The following GP2 variants were observed in gnomAD, a reference collection of about 807,000 sequenced individuals.
GP2 encodes pancreatic secretory granule membrane major glycoprotein GP2.
Under a neutral mutation model 60.8 loss-of-function variants are expected in GP2, and 58 were observed. The ratio of observed to expected loss-of-function variants is 0.95; its 90% CI spans 0.77 to 1.19. The LOEUF is 1.19. Ranked by LOEUF, GP2 falls within the 50% of genes most tolerant of loss-of-function variation. GP2 has a pLI of 0.00. For missense variants in GP2, 647 were observed against 667.4 expected, an observed-to-expected ratio of 0.97 and a Z score of 0.34; for synonymous variants, 280 against 253.4, an observed-to-expected ratio of 1.10 and a Z score of -1.00.
At chr16:20,326,883 T>C (rs4643331) in intron 1 of GP2, 162,994 of 168,328 alleles carry the variant, frequency 0.97, 79,150 homozygotes, top group African/African-American at 0.99. Flanking sequence ...AAACCGAGCC[T>C]CATGTTCCTT....
At chr16:20,321,152 G>A (rs1409215906) in intron 4 of GP2, among the ~76,000 whole-genome samples, 1 of 150,842 alleles carries the variant, frequency 6.6e-6, no homozygotes, top group Non-Finnish European at 1.5e-5. Flanking sequence ...CTGGATTCAA[G>A]TGATTCTCCT....
chr16:20,317,348 G>A lies in GP2; in HGVS notation c.1281C>T (p.Ile427=), dbSNP rs1013067742. The change falls in exon 8 of 11, where the codon ATC becomes ATT. Residue 427 remains isoleucine, a synonymous_variant. Coordinates refer to ENST00000302555, the MANE Select transcript of GP2 (RefSeq NM_001502.4). ...NSCSNQRDST[I]HVEENGQSSE... ...AGGACTGCCCATTCTCCTCCACGTG[G>A]ATGGTGGAATCACGTTGATTTGAGC... is the stretch of plus-strand genomic sequence containing the variant. The A allele has an allele frequency of 6.2e-7, 1 of 1,613,714 alleles. No individual in the cohort carries two copies. Among genetic ancestry groups the A allele is most frequent in the African/African-American group, 1.3e-5 (1 of 75,022 alleles).
At chr16:20,324,999 C>T (rs886419843) in intron 2 of GP2, among the ~76,000 whole-genome samples, 1 of 152,262 alleles carries the variant, frequency 6.6e-6, no homozygotes, top group Admixed American at 6.5e-5. Context: ...CAAATGTCTT[C>T]TTGGGGGGCA....
At chr16:20,320,886 G>C (rs1055965832) in intron 4 of GP2, among the ~76,000 whole-genome samples, 1 of 152,026 alleles carries the variant, frequency 6.6e-6, no homozygotes, top group Non-Finnish European at 1.5e-5. Context: ...CCAGGCACTG[G>C]GGCTACAACA....
At chr16:20,317,516 A>T (rs1349889718) in intron 7 of GP2, 141 bp from the exon 8 acceptor site, 3 of 654,084 alleles carry the variant, frequency 4.6e-6, no homozygotes, top group African/African-American at 1.8e-5. Flanking sequence ...CCATAAGCGC[A>T]CATGGCTTAA....
Position 20,311,133 on chromosome 16 carries a change from T to A in GP2, c.*90A>T. 2.5e-6 allele frequency: 2 copies of A among 814,860 alleles called. No individual in the cohort carries two copies. The highest frequency in any genetic ancestry group is 4.4e-6 in the Non-Finnish European group (2 of 456,838). 50.5% of individuals were successfully genotyped at this position (814,860 alleles called of 1,614,324 possible). A position where few individuals can be genotyped will look rare whatever the true frequency, so the allele number is the denominator to read the frequency against. On this transcript the variant is annotated 3_prime_UTR_variant, in exon 11 of 11. Coordinates refer to ENST00000302555, the MANE Select transcript of GP2 (RefSeq NM_001502.4). ...CTTGATTCTATTAATACCAAGCCTG[T>A]GTGAATTGGAGTGGAAAGCAGAAGT...
chr16:20,312,993 C>T (rs990176289), intron 10 of GP2, among the ~76,000 whole-genome samples: 2 of 152,080 alleles, frequency 1.3e-5, no homozygotes, highest in Non-Finnish European at 2.9e-5. Context: ...TCTCAATGAG[C>T]GTGACTTTTC....
At chr16:20,322,467 T>C (rs574587494) in intron 4 of GP2, among the ~76,000 whole-genome samples, 150 of 152,274 alleles carry the variant, frequency 9.9e-4, no homozygotes, top group Admixed American at 6.4e-3. Flanking sequence ...TTATCCTCAT[T>C]TTACAGATGA....
At chr16:20,323,012 G>C in intron 3 of GP2, 33 bp from the exon 4 acceptor site, 1 of 1,262,694 alleles carries the variant, frequency 7.9e-7, no homozygotes, top group South Asian at 1.2e-5. Context: ...AGAAGATCAG[G>C]ATGCAGTGCG....
chr16:20,326,690 C>G (rs192897358), intron 1 of GP2: 1 of 430,950 alleles, frequency 2.3e-6, no homozygotes, highest in African/African-American at 2.0e-5. Context: ...TCAGGATGGT[C>G]CCTGCTCAGG....
chr16:20,311,338 A>C (rs1206437245), intron 10 of GP2, 57 bp from the exon 11 acceptor site: 1 of 1,049,848 alleles, frequency 9.5e-7, no homozygotes, highest in Admixed American at 1.7e-5. Flanking sequence ...AGGAGCAAAC[A>C]TAAGTTGGCC....
At chr16:20,311,874 A>G (rs1265730809) in intron 10 of GP2, among the ~76,000 whole-genome samples, 1 of 152,244 alleles carries the variant, frequency 6.6e-6, no homozygotes, top group Non-Finnish European at 1.5e-5. Flanking sequence ...AGAAAGACAC[A>G]GAGGTTAAAA....
At chr16:20,316,179 G>T (rs1038023245) in intron 8 of GP2, 139 bp from the exon 9 acceptor site, 5 of 564,254 alleles carry the variant, frequency 8.9e-6, no homozygotes, top group African/African-American at 5.7e-5. Context: ...CGATGCTGTG[G>T]TTATCTCAAT....
At chr16:20,320,916 T>A (rs1462256738) in intron 4 of GP2, among the ~76,000 whole-genome samples, 1 of 152,154 alleles carries the variant, frequency 6.6e-6, no homozygotes, top group Non-Finnish European at 1.5e-5. Context: ...ACTGAAAAAA[T>A]TCCCACTCTT....
intron 8 of GP2, among the ~76,000 whole-genome samples, chr16:20,316,790 C>CA (rs1434974471): frequency 1.3e-5 from 2 of 151,588 alleles, no homozygotes; most frequent in Non-Finnish European, 2.9e-5. Flanking sequence ...CCCATCCATA[C>CA]ACCTACCTAT....
intron 1 of GP2, 161 bp from the exon 2 acceptor site, chr16:20,326,628 A>C: frequency 1.6e-6 from 1 of 611,522 alleles, no homozygotes; most frequent in Non-Finnish European, 2.8e-6. Context: ...CAGTAAGCAA[A>C]CCAAAGGCAA....
Position 20,317,231 on chromosome 16 carries a change from AAG to A in GP2, c.1396_1397del (p.Leu466Ter), listed in dbSNP as rs1266000633. The A allele has an allele frequency of 1.2e-6, 2 of 1,612,928 alleles. No individual in the cohort carries two copies. Among genetic ancestry groups the A allele is most frequent in the African/African-American group, 1.3e-5 (1 of 74,818 alleles). On this transcript the variant is annotated frameshift_variant, in exon 8 of 11. Transcript: ENST00000302555. LOFTEE classifies it high-confidence loss of function. ...LHCEIHLCDS[L>X]NEQCQPSCSR... ...CACTCACAGGCTGGCACTGTTCATT[AAG>A]AGAATCACAGAGATGAATCTCACAA...
chr16:20,316,326 A>G (rs972490667), intron 8 of GP2, among the ~76,000 whole-genome samples: 10 of 152,344 alleles, frequency 6.6e-5, no homozygotes, highest in African/African-American at 1.9e-4. Context: ...CTGGTTGTGA[A>G]GATGAAAATG....
chr16:20,321,172 T>A (rs1664492374), intron 4 of GP2, among the ~76,000 whole-genome samples: 1 of 151,132 alleles, frequency 6.6e-6, no homozygotes, highest in Non-Finnish European at 1.5e-5. Context: ...TGCCTCAGCC[T>A]CCCAAGGCTG....
Sources: allele counts gnomAD v4.1 joint callset (sites outside exome capture counted in the v4.1 genomes callset), GRCh38; gene constraint gnomAD v4.1.1; transcripts MANE v1.5; gene names NCBI Gene and HGNC (gene_info 2026-07-23, HGNC 2026-07-21).